The following NRG1 variants were observed in gnomAD, a reference collection of about 807,000 sequenced individuals.
NRG1 encodes the protein neuregulin 1.
A neutral mutation model predicts 63.8 loss-of-function variants in NRG1; 18 were observed. The observed-to-expected ratio is 0.28, with a 90% CI of 0.19 to 0.42. The LOEUF is 0.42. NRG1 is among the 10% of genes least tolerant of loss of function. The pLI, the probability that NRG1 is intolerant of heterozygous loss-of-function variation, is 1.00. For missense variants in NRG1, 762 were observed against 814.7 expected, an observed-to-expected ratio of 0.94 and a Z score of 0.79; for synonymous variants, 302 against 301.3, an observed-to-expected ratio of 1.00 and a Z score of -0.02.
chr8:32,031,724 T>C (rs1310479355), intron 1 of NRG1, among the ~76,000 whole-genome samples: 1 of 152,202 alleles, frequency 6.6e-6, no homozygotes, highest in Non-Finnish European at 1.5e-5. Context: ...TGGTTTTCTG[T>C]TCCTGCATTA....
chr8:32,704,162 A>G (rs1815709990), intron 5 of NRG1, among the ~76,000 whole-genome samples: 1 of 152,190 alleles, frequency 6.6e-6, no homozygotes, highest in Non-Finnish European at 1.5e-5. Context: ...TGTTTCCTTA[A>G]TTTCTTCTTT....
intron 1 of NRG1, among the ~76,000 whole-genome samples, chr8:32,361,123 G>C (rs995159166): frequency 6.6e-6 from 1 of 152,024 alleles, no homozygotes; most frequent in African/African-American, 2.4e-5. Context: ...ATATAGTAAG[G>C]GGTTCTTCAA....
At position 32,653,086 on chromosome 8, in the gene NRG1, A is replaced by T. The variant is rs146026978; in HGVS notation, c.502+36201A>T. Among the ~76,000 whole-genome samples the T allele has an allele frequency of 9.0e-3, 1,354 of 149,980 alleles. 24 individuals are homozygous for T. Among genetic ancestry groups the T allele is most frequent in the African/African-American group, 0.031 (1,268 of 41,116 alleles). ...TCTACTTTTATTACTTTTGCTCTAC[A>T]TCAATGCTTTGTTTTTCTTCTATTA... On this transcript the variant is annotated intron_variant, in intron 5 of 11. Transcript: ENST00000356819.
rs1852783314 is a variant in NRG1 at position 32,281,184 on chromosome 8, C to CTTTTTTTTATTTTTTT, written c.38-314636_38-314635insATTTTTTTTTTTTTTT. ...CATAGTACCCAATAGGTAGTTTTTC[C>CTTTTTTTTATTTTTTT]TTTTTTTTTTTGAGACAGAATCTCG... On this transcript the variant is annotated intron_variant, in intron 1 of 10. Transcript: ENST00000519301. Among the ~76,000 whole-genome samples, 2 of 94,326 alleles carry CTTTTTTTTATTTTTTT rather than the reference C, an allele frequency of 2.1e-5. 1 individual carries two copies. Among genetic ancestry groups the CTTTTTTTTATTTTTTT allele is most frequent in the Non-Finnish European group, 4.0e-5 (2 of 50,540 alleles). 61.9% of individuals were successfully genotyped at this position (94,326 alleles called of 152,430 possible).
chr8:31,781,146 C>A (rs1819642463), intron 1 of NRG1, among the ~76,000 whole-genome samples: 3 of 151,890 alleles, frequency 2.0e-5, no homozygotes, highest in African/African-American at 7.3e-5. Context: ...CTCAATCAGC[C>A]CAGACAGATT....
chr8:32,010,697 C>T (rs1348396676), intron 1 of NRG1, among the ~76,000 whole-genome samples: 2 of 152,034 alleles, frequency 1.3e-5, no homozygotes, highest in African/African-American at 4.8e-5. Flanking sequence ...CATTACCCTT[C>T]ATTACCTGTT....
At chr8:32,522,992 G>T (rs1406315541) in intron 1 of NRG1, among the ~76,000 whole-genome samples, 3 of 151,990 alleles carry the variant, frequency 2.0e-5, no homozygotes, top group African/African-American at 4.8e-5. Flanking sequence ...CATAGATATG[G>T]AGTTTCAATA....
chr8:31,946,827 G>A, intron 1 of NRG1, among the ~76,000 whole-genome samples: 1 of 152,234 alleles, frequency 6.6e-6, no homozygotes, highest in South Asian at 2.1e-4. Context: ...TGGAAGCCAC[G>A]ATTTCTTTGT....
At chr8:32,445,110 C>T (rs115779843) in intron 1 of NRG1, among the ~76,000 whole-genome samples, 1,686 of 152,258 alleles carry the variant, frequency 0.011, 27 homozygotes, top group African/African-American at 0.039. Context: ...AGATTAGTCC[C>T]AGGACCCCTT....
chr8:31,669,014 C>G (rs1397363132), intron 1 of NRG1, among the ~76,000 whole-genome samples: 1 of 152,140 alleles, frequency 6.6e-6, no homozygotes, highest in African/African-American at 2.4e-5. Flanking sequence ...GTTTCATATA[C>G]AACTTATACG....
intron 1 of NRG1, among the ~76,000 whole-genome samples, chr8:32,082,251 T>G (rs1827573108): frequency 6.6e-6 from 1 of 151,884 alleles, no homozygotes; most frequent in African/African-American, 2.4e-5. Flanking sequence ...TATGCAGATT[T>G]GTTATATAGG....
intron 1 of NRG1, among the ~76,000 whole-genome samples, chr8:31,747,875 A>G (rs555699539): frequency 2.6e-5 from 4 of 151,898 alleles, no homozygotes; most frequent in Non-Finnish European, 5.9e-5. Context: ...CTGCTGATGT[A>G]TATTTACTAT....
At chr8:31,793,139 A>C (rs887138985) in intron 1 of NRG1, among the ~76,000 whole-genome samples, 1 of 152,220 alleles carries the variant, frequency 6.6e-6, no homozygotes, top group Non-Finnish European at 1.5e-5. Context: ...GGCCCTTGGC[A>C]ATAACTCAAG....
chr8:32,119,082 A>G (rs1278988715), intron 1 of NRG1, among the ~76,000 whole-genome samples: 1 of 152,120 alleles, frequency 6.6e-6, no homozygotes, highest in Non-Finnish European at 1.5e-5. Context: ...CCAGCTTACA[A>G]GGAAGTCCAA....
chr8:32,471,587 A>T (rs1408165385), intron 1 of NRG1, among the ~76,000 whole-genome samples: 3 of 152,216 alleles, frequency 2.0e-5, no homozygotes, highest in Non-Finnish European at 4.4e-5. Context: ...TTAGTAAGAG[A>T]CAATAAACAT....
intron 1 of NRG1, among the ~76,000 whole-genome samples, chr8:31,866,381 G>T (rs1026495396): frequency 2.0e-5 from 3 of 152,154 alleles, no homozygotes; most frequent in African/African-American, 7.2e-5. Context: ...CAAGAGAATG[G>T]CAGGGACAGA....
intron 1 of NRG1, among the ~76,000 whole-genome samples, chr8:32,358,847 G>C (rs1806825274): frequency 6.6e-6 from 1 of 152,108 alleles, no homozygotes; most frequent in South Asian, 2.1e-4. Flanking sequence ...AGATCAAGAA[G>C]AAGAGAGTTT....
chr8:32,647,079 TC>T (rs1853728390), intron 5 of NRG1: 1 of 985,222 alleles, frequency 1.0e-6, no homozygotes, highest in Admixed American at 6.2e-5. Flanking sequence ...TGACCGCCCC[TC>T]CTGGCTGCAC....
intron 5 of NRG1, among the ~76,000 whole-genome samples, chr8:32,641,636 C>T (rs1414282123): frequency 4.6e-5 from 7 of 152,160 alleles, no homozygotes; most frequent in African/African-American, 1.7e-4. Flanking sequence ...GATCTAAACT[C>T]ATAAAGAACA....
Sources: gnomAD v4.1 joint callset for allele counts (sites outside exome capture counted in the v4.1 genomes callset) on GRCh38, gnomAD v4.1.1 for gene constraint, MANE v1.5 for transcripts, NCBI Gene and HGNC (gene_info 2026-07-23, HGNC 2026-07-21) for gene names.